Variants in PFAS observed in about 807,000 individuals in gnomAD.
PFAS encodes the protein phosphoribosylformylglycinamidine synthase.
PFAS carries 97 observed loss-of-function variants against 140.6 expected under a neutral mutation model. The ratio of observed to expected loss-of-function variants is 0.69; its 90% CI spans 0.59 to 0.82. The LOEUF is 0.82. Among genes scored for constraint, PFAS ranks in the 40% least tolerant of loss-of-function variants. The pLI is 0.00. For synonymous variants in PFAS, 679 were observed against 718.8 expected, an observed-to-expected ratio of 0.94 and a Z score of 0.88; for missense variants, 1,656 against 1,780.2, an observed-to-expected ratio of 0.93 and a Z score of 1.26.
intron 9 of PFAS, 37 bp from the exon 10 acceptor site, chr17:8,257,764 ACAGTTC>A: frequency 6.2e-7 from 1 of 1,610,382 alleles, no homozygotes; most frequent in African/African-American, 1.3e-5. Flanking sequence ...GCCTGTCTTC[ACAGTTC>A]ATTCAGTTCA....
Position 8,265,556 on chromosome 17 carries a change from G to T in PFAS, c.2462G>T (p.Gly821Val), listed in dbSNP as rs2151594193. The change falls in exon 20 of 28, where the codon GGG (glycine) becomes GTG (valine). Residue 821 changes from glycine (G) to valine (V), a missense_variant and splice_region_variant. By Grantham distance (109) the Gly-to-Val change is moderately radical. This residue lies in a region of PFAS where 883 missense variants were observed against 1,023.0 expected (regional missense o/e 0.86). Transcript: ENST00000314666. Reference protein sequence around the residue: ...RVGTETVRAPGSLVISAYAVC... With the variant: ...RVGTETVRAPVSLVISAYAVC... ...CTTTGGACTCCTCCTTGCTCTACAG[G>T]GTCACTGGTCATCTCAGCCTATGCC... 1 of 1,614,064 alleles carries T rather than the reference G, an allele frequency of 6.2e-7. No homozygotes were observed. Among genetic ancestry groups the T allele is most frequent in the South Asian group, 1.1e-5 (1 of 91,080 alleles).
Position 8,266,122 on chromosome 17 carries a change from C to G in PFAS, c.2701+105C>G. On this transcript the variant is annotated intron_variant, in intron 21 of 27. Transcript: ENST00000314666. The surrounding 1 kb of genome is among the most constrained non-coding windows in gnomAD (Gnocchi z 5.0). ...AAGGGACTCCAATGGACGATGTACCCCAGATCCCCTGACATTCTGACACAC... is the reference window on the plus strand; with the variant it reads ...AAGGGACTCCAATGGACGATGTACCGCAGATCCCCTGACATTCTGACACAC... 6 of 1,543,622 alleles carry G rather than the reference C, an allele frequency of 3.9e-6. No individual in the cohort carries two copies. Among genetic ancestry groups the G allele is most frequent in the Non-Finnish European group, 5.3e-6 (6 of 1,134,050 alleles).
chr17:8,260,814 C>T (rs549969450), intron 11 of PFAS, among the ~76,000 whole-genome samples: 2 of 152,076 alleles, frequency 1.3e-5, no homozygotes, highest in South Asian at 2.1e-4. Flanking sequence ...TTAGCAGAGA[C>T]GGGGTTTTGC....
chr17:8,255,940 T>C (rs753721784), intron 6 of PFAS, 30 bp downstream of exon 6: 4 of 1,513,250 alleles, frequency 2.6e-6, no homozygotes, highest in Non-Finnish European at 3.7e-6. Context: ...TTCCCATACC[T>C]GAGCCCATGG....
intron 11 of PFAS, among the ~76,000 whole-genome samples, chr17:8,258,738 A>G (rs1007296179): frequency 3.3e-5 from 5 of 151,914 alleles, no homozygotes; most frequent in African/African-American, 1.2e-4. Flanking sequence ...TGTAATCCCA[A>G]CACTTTGGGA....
At chr17:8,254,383 TG>T in intron 3 of PFAS, 82 bp downstream of exon 3, 1 of 1,526,690 alleles carries the variant, frequency 6.6e-7, no homozygotes, top group South Asian at 1.1e-5. Flanking sequence ...GCTTTTCCTT[TG>T]CTCTTTGCTA....
In PFAS at chr17:8,266,995, C is replaced by T. The variant is rs377490085; in HGVS notation, c.2968-33C>T. The stretch of plus-strand genomic sequence containing the variant: ...CACTGTGGAGGGGGCCATCCTTTCT[C>T]CTAGCCCGTGGGAGATTTGTTCCTC... On this transcript the variant is annotated intron_variant, in intron 23 of 27. Coordinates refer to ENST00000314666, the MANE Select transcript of PFAS (RefSeq NM_012393.3). The surrounding 1 kb of genome is among the most constrained non-coding windows in gnomAD (Gnocchi z 5.0). 1.9e-6 allele frequency: 3 copies of T among 1,611,558 alleles called. No homozygotes were observed. The highest frequency in any genetic ancestry group is 2.5e-6 in the Non-Finnish European group (3 of 1,179,418).
rs765031074 is a variant in PFAS, at chr17:8,266,187, T to C, written c.2702-47T>C. The C allele has an allele frequency of 7.5e-6, 12 of 1,609,062 alleles. No homozygotes were observed. In the South Asian group the frequency reaches 1.3e-4, roughly 18 times the overall value. On this transcript the variant is annotated intron_variant, in intron 21 of 27. Transcript: ENST00000314666. The surrounding 1 kb of genome is among the most constrained non-coding windows in gnomAD (Gnocchi z 5.0). ...GACTCCGGAAGGTGGGGTGGGGCTG[T>C]CAGGTTTGGGTCCCGAGGTTGCTGA... is the stretch of plus-strand genomic sequence containing the variant.
Position 8,263,192 on chromosome 17 carries a change from G to T in PFAS, c.1494G>T (p.Val498=), listed in dbSNP as rs1263739412. Reference sequence around the variant, plus strand: ...AGATGGAACAGAAGATGAACCGTGTGATCAGGGCTTGTGTGGAGGCCCCCA... The same window carrying T: ...AGATGGAACAGAAGATGAACCGTGTTATCAGGGCTTGTGTGGAGGCCCCCA... ...DPEMEQKMNR[V]IRACVEAPKG... Residue 498 remains valine, a synonymous_variant, in exon 13 of 28, where the codon GTG becomes GTT. Transcript: ENST00000314666. 2 of 1,614,026 alleles carry T rather than the reference G, an allele frequency of 1.2e-6. No homozygotes were observed. Among genetic ancestry groups the T allele is most frequent in the African/African-American group, 2.7e-5 (2 of 74,932 alleles).
At position 8,266,649 on chromosome 17, in the gene PFAS, C is replaced by T; in HGVS notation, c.2822-104C>T. On this transcript the variant is annotated intron_variant, in intron 22 of 27. Coordinates refer to ENST00000314666, the MANE Select transcript of PFAS (RefSeq NM_012393.3). This position sits in a 1 kb window ranked among gnomAD's most constrained non-coding sequence, Gnocchi z 5.0. ...TGATCCCTACCCTACTCTCTGGCTG[C>T]ATCCCTCTGACCCTCACCCTGGCCC... is the stretch of plus-strand genomic sequence containing the variant. 5.3e-6 allele frequency: 8 copies of T among 1,511,792 alleles called. No homozygotes were observed. The highest frequency in any genetic ancestry group is 5.3e-6 in the Non-Finnish European group (6 of 1,136,366). 93.6% of individuals were successfully genotyped at this position (1,511,792 alleles called of 1,614,324 possible). A position where few individuals can be genotyped will look rare whatever the true frequency, so the allele number is the denominator to read the frequency against.
rs559768216 is a variant in PFAS, at chr17:8,261,472, C to G, written c.1337-1448C>G. Among the ~76,000 whole-genome samples, 1,141 of 152,214 alleles carry G rather than the reference C, an allele frequency of 7.5e-3. 6 individuals carry two copies. Among genetic ancestry groups the G allele is most frequent in the Non-Finnish European group, 0.011 (771 of 68,006 alleles). ...CAGGCTGGTCTCAAACTCCTGAGCT[C>G]AGGTAATCCACCCGCCTCAGCCTCC... On this transcript the variant is annotated intron_variant, in intron 11 of 27. Coordinates refer to ENST00000314666, the MANE Select transcript of PFAS (RefSeq NM_012393.3).
At position 8,263,836 on chromosome 17, in the gene PFAS, C is replaced by G. The variant is rs1989696111; in HGVS notation, c.1691C>G (p.Ala564Gly). ...IWGAEYQESN[A>G]LLLRSPNRDF... ...GGGGCTGAGTACCAGGAATCAAATG[C>G]TCTTCTGCTGAGGTCCCCCAACCGG... The change falls in exon 15 of 28, where the codon GCT becomes GGT. Residue 564 changes from alanine to glycine, a missense_variant. Ala to Gly is a moderately conservative substitution (Grantham distance 60, BLOSUM62 0). Transcript: ENST00000314666. 1 of 1,614,166 alleles carries G rather than the reference C, an allele frequency of 6.2e-7. No homozygotes were observed. The highest frequency in any genetic ancestry group is 1.3e-5 in the African/African-American group (1 of 75,062).
rs1031873938 is a variant in PFAS, at chr17:8,255,193, C to G, written c.384+61C>G. ...CAGAGATACAAGATTAGATCCTAAG[C>G]TCTAGAGAGAAGCAGGGACAGGTGC... On this transcript the variant is annotated intron_variant, in intron 4 of 27. Coordinates refer to ENST00000314666, the MANE Select transcript of PFAS (RefSeq NM_012393.3). 2.4e-4 allele frequency: 298 copies of G among 1,262,188 alleles called. 1 individual carries two copies. The highest frequency in any genetic ancestry group is 1.7e-5 in the Non-Finnish European group (15 of 869,638). 78.2% of individuals were successfully genotyped at this position (1,262,188 alleles called of 1,614,324 possible). A position where few individuals can be genotyped will look rare whatever the true frequency, so the allele number is the denominator to read the frequency against.
chr17:8,261,157 G>A (rs1567640586), intron 11 of PFAS, among the ~76,000 whole-genome samples: 1 of 152,086 alleles, frequency 6.6e-6, no homozygotes, highest in African/African-American at 2.4e-5. Context: ...AGGCATAATA[G>A]TGGGTATGAA....
At position 8,268,653 on chromosome 17, in the gene PFAS, G is replaced by T; in HGVS notation, c.3503G>T (p.Gly1168Val). The change falls in exon 27 of 28, where the codon GGC becomes GTC. Residue 1168 changes from glycine to valine, a missense_variant. Coordinates refer to ENST00000314666, the MANE Select transcript of PFAS (RefSeq NM_012393.3). ...GGCTGTCAACTGCTGGCTCTGCTCG[G>T]CTGGGTGGGAGGCGACCCCAATGAG... is the stretch of plus-strand genomic sequence containing the variant. ...CNGCQLLALL[G>V]WVGGDPNEDA... 6.2e-7 allele frequency: 1 copy of T among 1,613,760 alleles called. No individual in the cohort carries two copies. Among genetic ancestry groups the T allele is most frequent in the South Asian group, 1.1e-5 (1 of 91,080 alleles).
intron 9 of PFAS, among the ~76,000 whole-genome samples, chr17:8,257,495 T>C (rs1282530434): frequency 6.6e-6 from 1 of 151,906 alleles, no homozygotes; most frequent in Non-Finnish European, 1.5e-5. Context: ...GGCGGAGCTT[T>C]CAGTGAGCCA....
At chr17:8,247,681 C>T (rs538434305), upstream of PFAS, 4 of 289,750 alleles carry the variant, frequency 1.4e-5, no homozygotes, top group East Asian at 2.1e-4. Flanking sequence ...TTGCCCTTTT[C>T]CCCTACAGCT....
At position 8,255,527 on chromosome 17, in the gene PFAS, T is replaced by C; in HGVS notation, c.410T>C (p.Val137Ala). 1 of 1,522,854 alleles carries C rather than the reference T, an allele frequency of 6.6e-7. No homozygotes were observed. Among genetic ancestry groups the C allele is most frequent in the Non-Finnish European group, 8.8e-7 (1 of 1,138,222 alleles). 94.3% of individuals were successfully genotyped at this position (1,522,854 alleles called of 1,614,324 possible). A position where few individuals can be genotyped will look rare whatever the true frequency, so the allele number is the denominator to read the frequency against. ...TTTGCCCACCCCCCGTCAGCTGAGG[T>C]GGAAGCCATTGCTCTGGCTACCCTG... ...LSFAHPPSAE[V>A]EAIALATLHD... Residue 137 changes from valine to alanine, a missense_variant, in exon 5 of 28, where the codon GTG (valine) becomes GCG (alanine). Around this residue, in one of 2 missense-constraint regions of PFAS, gnomAD observed 773 missense variants for 757.3 expected, o/e 1.02. Transcript: ENST00000314666.
chr17:8,256,807 C>G (rs1380274135), intron 8 of PFAS, 28 bp from the exon 9 acceptor site: 1 of 1,576,428 alleles, frequency 6.3e-7, no homozygotes, highest in Non-Finnish European at 8.6e-7. Flanking sequence ...CTGAGGCACC[C>G]AGACCTCTCC....
Sources: gnomAD v4.1 joint callset for allele counts (sites outside exome capture counted in the v4.1 genomes callset) on GRCh38, gnomAD v4.1.1 for gene constraint, gnomAD v4.1.1 regional missense constraint, Gnocchi (gnomAD v3.1) non-coding constraint, MANE v1.5 for transcripts, NCBI Gene and HGNC (gene_info 2026-07-23, HGNC 2026-07-21) for gene names.